ADGRF5: variants seen among roughly 807,000 people sequenced by gnomAD.
ADGRF5 encodes the protein adhesion G protein-coupled receptor F5.
ADGRF5 carries 75 observed loss-of-function variants against 132.3 expected under a neutral mutation model. The ratio of observed to expected loss-of-function variants is 0.57; its 90% CI spans 0.47 to 0.69. ADGRF5 has a LOEUF of 0.69. Ranked by LOEUF, ADGRF5 falls within the 30% of genes least tolerant of loss-of-function variation. The pLI is 0.00. For missense variants in ADGRF5, 1,516 were observed against 1,630.6 expected (o/e 0.93, Z 1.21); for synonymous variants, 629 against 597.6 (o/e 1.05, Z -0.77).
intron 1 of ADGRF5, among the ~76,000 whole-genome samples, chr6:46,926,958 G>A (rs546481648): frequency 2.7e-4 from 41 of 152,116 alleles, no homozygotes; most frequent in Middle Eastern, 6.8e-3. Context: ...TCCTGGGTGC[G>A]GGCACTCTCC....
chr6:46,923,172 A>C (rs781011581), upstream of ADGRF5, among the ~76,000 whole-genome samples: 1 of 152,126 alleles, frequency 6.6e-6, no homozygotes, highest in African/African-American at 2.4e-5. Flanking sequence ...GGTAATCCCC[A>C]GCCTCGGCCT....
At chr6:46,889,309 T>C (rs1773392275) in intron 3 of ADGRF5, among the ~76,000 whole-genome samples, 1 of 145,832 alleles carries the variant, frequency 6.9e-6, no homozygotes, top group Non-Finnish European at 1.5e-5. Context: ...GTATATATAG[T>C]ATAGTAATAT....
At position 46,945,436 on chromosome 6, in the gene ADGRF5, A is replaced by C. The variant is rs553757799; in HGVS notation, c.-25+9298T>G. On this transcript the variant is annotated intron_variant, in intron 1 of 20. Coordinates refer to the ADGRF5 transcript ENST00000265417. ...GTGACACTTTTGCGTTCCTAACTCT[A>C]CATGAAATACTGATTAAAAACCTAA... Among the ~76,000 whole-genome samples the C allele has an allele frequency of 1.4e-4, 21 of 152,360 alleles. No individual in the cohort carries two copies. The South Asian group carries it at 3.7e-3, about 27-fold the overall frequency.
rs1297499907 is a variant in ADGRF5 at position 46,866,886 on chromosome 6, A to G, written c.1834+39T>C. 2.3e-6 allele frequency: 3 copies of G among 1,296,042 alleles called. No homozygotes were observed. In the African/African-American group the frequency reaches 4.3e-5, roughly 19 times the overall value. 80.3% of individuals were successfully genotyped at this position (1,296,042 alleles called of 1,614,324 possible). On this transcript the variant is annotated intron_variant, in intron 13 of 20. Coordinates refer to ENST00000283296, the MANE Select transcript of ADGRF5 (RefSeq NM_001098518.2). ...TAAATTTTTAGACTCCACATATGTG[A>G]AATAATATACCCTAACAATTCAGCA...
chr6:46,948,629 G>A (rs180903469), intron 1 of ADGRF5, among the ~76,000 whole-genome samples: 9 of 152,206 alleles, frequency 5.9e-5, no homozygotes, highest in East Asian at 5.8e-4. Context: ...AAACAGCATC[G>A]CTGTCTCAGG....
At chr6:46,874,941 T>A (rs1370721738) in intron 10 of ADGRF5, among the ~76,000 whole-genome samples, 1 of 152,194 alleles carries the variant, frequency 6.6e-6, no homozygotes, top group African/African-American at 2.4e-5. Flanking sequence ...TGCTGCTACA[T>A]ATCCTACAAT....
chr6:46,868,755 G>A, intron 12 of ADGRF5, 128 bp downstream of exon 12: 1 of 645,958 alleles, frequency 1.5e-6, no homozygotes, highest in Admixed American at 2.6e-5. Flanking sequence ...CGTTAAGTGT[G>A]AAGACATATT....
At chr6:46,919,386 T>C (rs1398458963) in intron 1 of ADGRF5, among the ~76,000 whole-genome samples, 2 of 152,234 alleles carry the variant, frequency 1.3e-5, no homozygotes, top group Non-Finnish European at 2.9e-5. Flanking sequence ...CTGCTTTACC[T>C]GTGACATGGT....
chr6:46,859,314 T>C lies in ADGRF5; in HGVS notation c.2589A>G (p.Pro863=), dbSNP rs770705040. 3 of 1,613,960 alleles carry C rather than the reference T, an allele frequency of 1.9e-6. No individual in the cohort carries two copies. The highest frequency in any genetic ancestry group is 2.2e-5 in the South Asian group (2 of 91,076). Residue 863 remains proline, a synonymous_variant, in exon 17 of 21, where the codon CCA becomes CCG. Transcript: ENST00000283296. ...MSSMVIKSSH[P]ETYQQRFVFP... ...AAACAAACCTCTGTTGATAGGTTTC[T>C]GGGTGGCTGGACTTGATTACCATGC... is the stretch of plus-strand genomic sequence containing the variant.
At chr6:46,882,180 G>A in intron 6 of ADGRF5, 73 bp from the exon 7 acceptor site, 1 of 991,426 alleles carries the variant, frequency 1.0e-6, no homozygotes, top group Non-Finnish European at 1.6e-6. Flanking sequence ...CTGAAGCAGA[G>A]TAAAAACCAC....
chr6:46,940,279 C>CA (rs1777998773), intron 1 of ADGRF5, among the ~76,000 whole-genome samples: 9 of 152,124 alleles, frequency 5.9e-5, no homozygotes, highest in Non-Finnish European at 1.2e-4. Context: ...TCACATCGAT[C>CA]TTTTACTTCT....
At chr6:46,874,721 G>C (rs185147995) in intron 10 of ADGRF5, among the ~76,000 whole-genome samples, 2 of 152,162 alleles carry the variant, frequency 1.3e-5, no homozygotes, top group East Asian at 1.9e-4. Context: ...CTGTGTTGAG[G>C]GGGGTGGAAG....
At chr6:46,902,699 C>T (rs1453551853) in intron 2 of ADGRF5, among the ~76,000 whole-genome samples, 3 of 152,206 alleles carry the variant, frequency 2.0e-5, no homozygotes, top group Non-Finnish European at 4.4e-5. Context: ...GCAAGTGCCG[C>T]TTCCACAGCT....
intron 1 of ADGRF5, among the ~76,000 whole-genome samples, chr6:46,937,249 T>TGTGTGA (rs1273913404): frequency 1.8e-4 from 28 of 151,646 alleles, no homozygotes; most frequent in African/African-American, 6.5e-4. Context: ...TGTGTGTGTG[T>TGTGTGA]GTGAGTGTGT....
At chr6:46,911,776 C>T (rs1775972861) in intron 1 of ADGRF5, among the ~76,000 whole-genome samples, 1 of 152,078 alleles carries the variant, frequency 6.6e-6, no homozygotes, top group Non-Finnish European at 1.5e-5. Flanking sequence ...AGTCCTGTTA[C>T]ATGTTAAGAG....
chr6:46,904,210 C>T (rs914351906), intron 2 of ADGRF5, among the ~76,000 whole-genome samples: 1 of 152,246 alleles, frequency 6.6e-6, no homozygotes, highest in African/African-American at 2.4e-5. Context: ...TGAGCTACAT[C>T]ATCACCCTTT....
At chr6:46,865,403 C>A (rs1425071231) in intron 13 of ADGRF5, among the ~76,000 whole-genome samples, 1 of 152,224 alleles carries the variant, frequency 6.6e-6, no homozygotes, top group Non-Finnish European at 1.5e-5. Context: ...CTCTACCATT[C>A]ATGACTCCAA....
chr6:46,861,323 C>T (rs868015914), intron 15 of ADGRF5, among the ~76,000 whole-genome samples: 1 of 152,054 alleles, frequency 6.6e-6, no homozygotes, highest in Non-Finnish European at 1.5e-5. Flanking sequence ...TGGTTTATAC[C>T]TTTTCTCCTT....
chr6:46,866,793 C>A, intron 13 of ADGRF5, 132 bp downstream of exon 13: 1 of 602,460 alleles, frequency 1.7e-6, no homozygotes, highest in Non-Finnish European at 3.0e-6. Flanking sequence ...AACAAAGATT[C>A]ATGGGATTCT....
Sources: allele counts gnomAD v4.1 joint callset (sites outside exome capture counted in the v4.1 genomes callset), GRCh38; gene constraint gnomAD v4.1.1; transcripts MANE v1.5; gene names NCBI Gene and HGNC (gene_info 2026-07-23, HGNC 2026-07-21).